KCNN2: variants seen among roughly 807,000 people sequenced by gnomAD.
KCNN2 encodes small conductance calcium-activated potassium channel protein 2.
A neutral mutation model predicts 55.5 loss-of-function variants in KCNN2; 24 were observed. The ratio of observed to expected loss-of-function variants is 0.43; its 90% CI spans 0.31 to 0.61. The LOEUF is 0.61. Among genes scored for constraint, KCNN2 ranks in the 20% least tolerant of loss-of-function variants. The pLI is 0.08. For missense variants in KCNN2, 754 were observed against 853.6 expected (o/e 0.88, Z 1.45); for synonymous variants, 431 against 336.1 (o/e 1.28, Z -3.09).
intron 4 of KCNN2, among the ~76,000 whole-genome samples, chr5:114,466,781 T>G (rs1260060436): frequency 6.6e-6 from 1 of 152,144 alleles, no homozygotes; most frequent in African/African-American, 2.4e-5. Flanking sequence ...GGTTCTCTAA[T>G]AGTGATTTAT....
At chr5:114,065,499 G>A (rs1408224803) in intron 1 of KCNN2, among the ~76,000 whole-genome samples, 1 of 152,194 alleles carries the variant, frequency 6.6e-6, no homozygotes, top group Non-Finnish European at 1.5e-5. Context: ...AAACACTGTA[G>A]GTGTGCCTTA....
intron 3 of KCNN2, chr5:114,434,069 G>GT (rs1186311554): frequency 6.6e-6 from 1 of 151,862 alleles, no homozygotes; most frequent in East Asian, 1.9e-4. Context: ...CCCTTGTTCT[G>GT]TTTTTTGTTA....
At position 114,452,646 on chromosome 5, in the gene KCNN2, T is replaced by C. The variant is rs868387895; in HGVS notation, c.1638-10403T>C. On this transcript the variant is annotated intron_variant, in intron 3 of 7. Coordinates refer to ENST00000673685, the MANE Select transcript of KCNN2 (RefSeq NM_021614.4). ...GAGCTTTTAAAAAATCCCTGTGCCA[T>C]GGCTTCACCCCCGGAGACCTCAGCT... Among the ~76,000 whole-genome samples, 3 of 152,296 alleles carry C rather than the reference T, an allele frequency of 2.0e-5. 1 individual carries two copies. Among genetic ancestry groups the C allele is most frequent in the South Asian group, 4.1e-4 (2 of 4,820 alleles).
rs1360001287 is a variant in KCNN2 at position 114,295,152 on chromosome 5, A to C, written c.-184-65793A>C. ...CCCAGTTAGGCTGCTCAGGGCTCAG[A>C]GACCCACTTGAGGAGGCAGTCTGCC... On this transcript the variant is annotated intron_variant, in intron 2 of 10. Transcript: ENST00000512097. Among the ~76,000 whole-genome samples, 4 of 152,158 alleles carry C rather than the reference A, an allele frequency of 2.6e-5. No individual in the cohort carries two copies. In the East Asian group the frequency reaches 7.7e-4, roughly 29 times the overall value.
chr5:114,057,270 T>C (rs1160622153), intron 1 of KCNN2: 1 of 152,232 alleles, frequency 6.6e-6, no homozygotes, highest in African/African-American at 2.4e-5. Context: ...CCTGCTGTGT[T>C]TGTGGTATTG....
intron 3 of KCNN2, among the ~76,000 whole-genome samples, chr5:114,431,117 AC>A (rs980329482): frequency 6.6e-6 from 1 of 151,824 alleles, no homozygotes; most frequent in East Asian, 1.9e-4. Context: ...TTAGAAACTT[AC>A]CCCCCCATCC....
chr5:114,429,909 G>T (rs1490055826), intron 3 of KCNN2, among the ~76,000 whole-genome samples: 1 of 135,392 alleles, frequency 7.4e-6, no homozygotes, highest in Non-Finnish European at 1.5e-5. Flanking sequence ...CTGTTGATTT[G>T]CCTGTATCAA....
intron 2 of KCNN2, among the ~76,000 whole-genome samples, chr5:114,398,303 A>G (rs563739998): frequency 1.1e-4 from 16 of 152,152 alleles, no homozygotes; most frequent in Admixed American, 9.8e-4. Context: ...CTTCATTGCT[A>G]GGTTTTGTCA....
chr5:114,205,304 T>C (rs1753746027), intron 1 of KCNN2, among the ~76,000 whole-genome samples: 1 of 152,248 alleles, frequency 6.6e-6, no homozygotes, highest in Admixed American at 6.5e-5. Flanking sequence ...GGATATTAAG[T>C]TTACTGGGCT....
At chr5:114,210,219 GTT>G (rs1416021613) in intron 1 of KCNN2, among the ~76,000 whole-genome samples, 2 of 152,142 alleles carry the variant, frequency 1.3e-5, no homozygotes, top group African/African-American at 4.8e-5. Flanking sequence ...AAATATTTGT[GTT>G]GGATAAGCTT....
At chr5:114,096,171 G>C (rs903024845) in intron 1 of KCNN2, among the ~76,000 whole-genome samples, 6 of 152,060 alleles carry the variant, frequency 3.9e-5, no homozygotes, top group African/African-American at 1.2e-4. Context: ...TAGGTTCTGT[G>C]ATATTGGCTA....
chr5:114,162,568 G>T (rs905980515), intron 1 of KCNN2, among the ~76,000 whole-genome samples: 9 of 152,158 alleles, frequency 5.9e-5, no homozygotes, highest in African/African-American at 2.2e-4. Flanking sequence ...GGATATTGCT[G>T]CCTTTTGTTT....
chr5:114,093,087 A>G (rs1289969089), intron 1 of KCNN2, among the ~76,000 whole-genome samples: 1 of 152,036 alleles, frequency 6.6e-6, no homozygotes, highest in Non-Finnish European at 1.5e-5. Context: ...CCAAGCTTTT[A>G]TGCTCTCCTT....
intron 1 of KCNN2, among the ~76,000 whole-genome samples, chr5:114,121,975 A>G (rs903966196): frequency 2.6e-5 from 4 of 152,226 alleles, no homozygotes; most frequent in Non-Finnish European, 4.4e-5. Context: ...ACACCATACA[A>G]TTTTGAAGAG....
chr5:114,097,818 C>T (rs1406807654), intron 1 of KCNN2, among the ~76,000 whole-genome samples: 1 of 152,100 alleles, frequency 6.6e-6, no homozygotes, highest in Admixed American at 6.6e-5. Context: ...CCACCTCCTC[C>T]CTGGTACCTC....
chr5:114,360,072 C>T (rs1404885513), upstream of KCNN2, among the ~76,000 whole-genome samples: 2 of 152,242 alleles, frequency 1.3e-5, no homozygotes, highest in East Asian at 3.9e-4. Context: ...AATGCTGTCT[C>T]TGATTGTTAG....
chr5:114,363,897 G>C lies in KCNN2; in HGVS notation c.1123-9G>C. The C allele has an allele frequency of 6.2e-7, 1 of 1,608,750 alleles. No individual in the cohort carries two copies. Among genetic ancestry groups the C allele is most frequent in the South Asian group, 1.1e-5 (1 of 90,962 alleles). ...TTCTTAAAAGTGCTTCTGTCTGACTGTGTTGCAGGCGTCGCTGTATTCCTT... is the reference window on the plus strand; with the variant it reads ...TTCTTAAAAGTGCTTCTGTCTGACTCTGTTGCAGGCGTCGCTGTATTCCTT... On this transcript the variant is annotated splice_polypyrimidine_tract_variant and intron_variant, in intron 1 of 7. Transcript: ENST00000673685.
chr5:114,106,285 A>G (rs572194153), intron 1 of KCNN2, among the ~76,000 whole-genome samples: 1 of 151,332 alleles, frequency 6.6e-6, no homozygotes, highest in African/African-American at 2.4e-5. Context: ...GTTTTTGTCT[A>G]TTATGAAGCA....
intron 1 of KCNN2, among the ~76,000 whole-genome samples, chr5:114,128,604 T>A (rs1751986917): frequency 1.3e-5 from 2 of 152,204 alleles, no homozygotes; most frequent in African/African-American, 4.8e-5. Flanking sequence ...AGACATAATT[T>A]AACTCATAAC....
Sources: allele counts gnomAD v4.1 joint callset (sites outside exome capture counted in the v4.1 genomes callset), GRCh38; gene constraint gnomAD v4.1.1; transcripts MANE v1.5; gene names NCBI Gene and HGNC (gene_info 2026-07-23, HGNC 2026-07-21).